SYT10: variants seen among roughly 807,000 people sequenced by gnomAD.
SYT10 encodes the protein synaptotagmin-10.
In SYT10, 31 loss-of-function variants were observed where a neutral mutation model predicts 51.1. The observed-to-expected ratio is 0.61, with a 90% CI of 0.46 to 0.82. The LOEUF is 0.82. Among genes scored for constraint, SYT10 ranks in the 40% least tolerant of loss-of-function variants. The pLI, the probability that SYT10 is intolerant of heterozygous loss-of-function variation, is 0.00. For missense variants in SYT10, 603 were observed against 634.0 expected (o/e 0.95, Z 0.53); for synonymous variants, 233 against 225.9 (o/e 1.03, Z -0.28).
chr12:33,433,603 C>G (rs1866614068), intron 1 of SYT10, among the ~76,000 whole-genome samples: 1 of 151,996 alleles, frequency 6.6e-6, no homozygotes, highest in Non-Finnish European at 1.5e-5. Context: ...TTATATTTGG[C>G]CAAGAATATG....
intron 1 of SYT10, among the ~76,000 whole-genome samples, chr12:33,438,377 C>T (rs1183647903): frequency 1.3e-5 from 2 of 152,142 alleles, no homozygotes; most frequent in East Asian, 1.9e-4. Flanking sequence ...AACAAGTGAC[C>T]CTCTCAAGCG....
At chr12:33,411,136 T>A (rs1329608589) in intron 2 of SYT10, among the ~76,000 whole-genome samples, 1 of 152,214 alleles carries the variant, frequency 6.6e-6, no homozygotes, top group African/African-American at 2.4e-5. Context: ...GCCACACCCT[T>A]AACCACCATG....
At chr12:33,433,343 T>G (rs1866612054) in intron 1 of SYT10, among the ~76,000 whole-genome samples, 1 of 152,160 alleles carries the variant, frequency 6.6e-6, no homozygotes, top group Non-Finnish European at 1.5e-5. Flanking sequence ...ATTTTAATAG[T>G]ATACACTGTT....
intron 3 of SYT10, among the ~76,000 whole-genome samples, chr12:33,400,644 A>T (rs184402142): frequency 1.3e-5 from 2 of 151,168 alleles, no homozygotes; most frequent in East Asian, 2.0e-4. Context: ...TAGTTATGTT[A>T]AAAAAAAAGG....
Position 33,426,158 on chromosome 12 carries a change from A to G in SYT10, c.489T>C (p.Thr163=). The G allele has an allele frequency of 1.2e-6, 2 of 1,605,534 alleles. No individual in the cohort carries two copies. The highest frequency in any genetic ancestry group is 1.1e-5 in the South Asian group (1 of 89,198). Residue 163 remains threonine, a synonymous_variant, in exon 2 of 7, where the codon ACT becomes ACC. Coordinates refer to ENST00000228567, the MANE Select transcript of SYT10 (RefSeq NM_198992.4). ...CTTACCGGGTTGATGACGTAGGCTC[A>G]GTAATTTGTCTTTGCACACGTGCAT... ...IKHARVQRQI[T]EPTSSTRHSS...
Position 33,407,125 on chromosome 12 carries a change from A to G in SYT10, c.741T>C (p.Leu247=), listed in dbSNP as rs1474694781. ...FTLQYDYENE[L]LVVKIIKALD... is the part of the protein sequence containing the mutation. ...AAGCTTTGATAATTTTAACAACTAG[A>G]AGTTCATTTTCATAATCATACTGGA... The change falls in exon 3 of 7, where the codon CTT becomes CTC. Residue 247 remains leucine (L), a synonymous_variant. Transcript: ENST00000228567. The G allele has an allele frequency of 6.2e-7, 1 of 1,613,716 alleles. No homozygotes were observed. Among genetic ancestry groups the G allele is most frequent in the Non-Finnish European group, 8.5e-7 (1 of 1,179,912 alleles).
At chr12:33,404,240 G>A (rs1187134692) in intron 3 of SYT10, among the ~76,000 whole-genome samples, 2 of 152,018 alleles carry the variant, frequency 1.3e-5, no homozygotes, top group African/African-American at 4.8e-5. Context: ...TACCCACTGG[G>A]GCCCAATATA....
At chr12:33,384,549 C>T (rs1435437598) in intron 4 of SYT10, among the ~76,000 whole-genome samples, 1 of 152,090 alleles carries the variant, frequency 6.6e-6, no homozygotes, top group African/African-American at 2.4e-5. Flanking sequence ...TAAGTAATTA[C>T]CCAGAACTGC....
At chr12:33,386,386 TCC>T (rs1866156876) in intron 3 of SYT10, among the ~76,000 whole-genome samples, 1 of 152,086 alleles carries the variant, frequency 6.6e-6, no homozygotes, top group South Asian at 2.1e-4. Context: ...TCCTTTCCCC[TCC>T]AAGGTCTGAT....
intron 3 of SYT10, among the ~76,000 whole-genome samples, chr12:33,391,988 A>G (rs558323365): frequency 2.0e-5 from 3 of 152,338 alleles, no homozygotes; most frequent in Admixed American, 2.0e-4. Context: ...GAAATTTCCT[A>G]AAATTGTGCA....
chr12:33,385,377 C>A, intron 3 of SYT10, 86 bp from the exon 4 acceptor site: 2 of 1,515,522 alleles, frequency 1.3e-6, no homozygotes, highest in South Asian at 2.5e-5. Context: ...ACTGGAATGT[C>A]ATTTTAAATT....
intron 3 of SYT10, among the ~76,000 whole-genome samples, chr12:33,386,478 G>C (rs772993892): frequency 6.6e-6 from 1 of 151,710 alleles, no homozygotes; most frequent in Non-Finnish European, 1.5e-5. Flanking sequence ...CCTGCTTTGG[G>C]GCCTCTGTGT....
At chr12:33,416,507 A>T (rs1866455138) in intron 2 of SYT10, among the ~76,000 whole-genome samples, 1 of 152,170 alleles carries the variant, frequency 6.6e-6, no homozygotes, top group African/African-American at 2.4e-5. Flanking sequence ...AGTCTTCATT[A>T]TCTTAGTCTT....
At chr12:33,405,901 T>C (rs1866348917) in intron 3 of SYT10, 2 of 151,200 alleles carry the variant, frequency 1.3e-5, no homozygotes, top group African/African-American at 4.8e-5. Context: ...TAATTTTTCA[T>C]ATAACAAAAT....
chr12:33,417,637 A>T (rs796552560), intron 2 of SYT10, among the ~76,000 whole-genome samples: 11 of 152,224 alleles, frequency 7.2e-5, no homozygotes, highest in Non-Finnish European at 1.3e-4. Context: ...CTAAATGAGG[A>T]ATGTGGTCAT....
chr12:33,422,207 C>T (rs1866511510), intron 2 of SYT10, among the ~76,000 whole-genome samples: 1 of 152,056 alleles, frequency 6.6e-6, no homozygotes, highest in South Asian at 2.1e-4. Flanking sequence ...CTAATGGTAG[C>T]TTGGTATAAT....
At position 33,376,535 on chromosome 12, in the gene SYT10, A is replaced by G. The variant is rs767797588; in HGVS notation, c.*295T>C. 5.2e-6 allele frequency: 2 copies of G among 382,486 alleles called. No individual in the cohort carries two copies. Among genetic ancestry groups the G allele is most frequent in the Non-Finnish European group, 9.6e-6 (2 of 208,000 alleles). 23.7% of individuals were successfully genotyped at this position (382,486 alleles called of 1,614,324 possible). ...ATTTTAGGTAAGTATGAACTGTTTA[A>G]AAAAACATTTCATATGCAAAGAATT... On this transcript the variant is annotated 3_prime_UTR_variant, in exon 7 of 7. Transcript: ENST00000228567.
At chr12:33,427,323 C>T (rs114080757) in intron 1 of SYT10, among the ~76,000 whole-genome samples, 128 of 152,156 alleles carry the variant, frequency 8.4e-4, no homozygotes, top group African/African-American at 2.8e-3. Flanking sequence ...GGAAATGGGC[C>T]GATGGGACTA....
intron 2 of SYT10, among the ~76,000 whole-genome samples, chr12:33,410,708 A>C (rs890980066): frequency 1.3e-5 from 2 of 152,202 alleles, no homozygotes; most frequent in Non-Finnish European, 2.9e-5. Context: ...ATATGGATAA[A>C]AGGAGAAAGT....
Sources: allele counts gnomAD v4.1 joint callset (sites outside exome capture counted in the v4.1 genomes callset), GRCh38; gene constraint gnomAD v4.1.1; transcripts MANE v1.5; gene names NCBI Gene and HGNC (gene_info 2026-07-23, HGNC 2026-07-21).